The following SLU7 variants were observed in gnomAD, a reference collection of about 807,000 sequenced individuals.
The protein encoded by SLU7 is spliceosome associated SLU7, also known as pre-mRNA-splicing factor SLU7.
A neutral mutation model predicts 87.0 loss-of-function variants in SLU7; 60 were observed. The ratio of observed to expected loss-of-function variants is 0.69; its 90% CI spans 0.56 to 0.86. The LOEUF is 0.86. Among genes scored for constraint, SLU7 ranks in the 40% least tolerant of loss-of-function variants. The probability of loss-of-function intolerance (pLI) is 0.00; values close to 1 mark genes in which losing one functional copy is unlikely to be tolerated. For synonymous variants in SLU7, 197 were observed against 222.0 expected (o/e 0.89, Z 1.00); for missense variants, 507 against 686.6 (o/e 0.74, Z 2.92).
Position 160,403,184 on chromosome 5 carries a change from G to T in SLU7, c.*101C>A. 2.3e-6 allele frequency: 2 copies of T among 867,602 alleles called. No homozygotes were observed. Among genetic ancestry groups the T allele is most frequent in the Non-Finnish European group, 3.4e-6 (2 of 586,886 alleles). The allele number at this position is 867,602 out of a possible 1,614,324, so 53.7% of individuals were successfully genotyped here. A position where few individuals can be genotyped will look rare whatever the true frequency, so the allele number is the denominator to read the frequency against. On this transcript the variant is annotated 3_prime_UTR_variant, in exon 16 of 16. Transcript: ENST00000297151. ...CTGAAATATTTATTAAAGCCAGGCA[G>T]CAAGAAGAATAAACAAGGATTTTTC... is the stretch of plus-strand genomic sequence containing the variant.
intron 13 of SLU7, 27 bp downstream of exon 13, chr5:160,405,004 C>G (rs1282099832): frequency 3.8e-6 from 6 of 1,579,384 alleles, no homozygotes; most frequent in Non-Finnish European, 4.4e-6. Context: ...TGTTTTATAC[C>G]TTTAAGAACC....
chr5:160,406,215 C>A, intron 12 of SLU7: 1 of 295,884 alleles, frequency 3.4e-6, no homozygotes, highest in Non-Finnish European at 6.2e-6. Flanking sequence ...TGTGCATATG[C>A]ACACATACAA....
chr5:160,402,663 TACAGAG>T lies in SLU7; in HGVS notation c.*616_*621del, dbSNP rs1039893544. 3 of 152,076 alleles carry T rather than the reference TACAGAG, an allele frequency of 2.0e-5. No individual in the cohort carries two copies. The highest frequency in any genetic ancestry group is 6.6e-5 in the Admixed American group (1 of 15,256). The allele number at this position is 152,076 out of a possible 1,614,324, so 9.4% of individuals were successfully genotyped here. A position where few individuals can be genotyped will look rare whatever the true frequency, so the allele number is the denominator to read the frequency against. ...GCAATAAAGTTTGAAGCTTAATAAA[TACAGAG>T]AAAGAGACATTCTTAATAGGTAGAG... On this transcript the variant is annotated 3_prime_UTR_variant, in exon 16 of 16. Coordinates refer to ENST00000297151, the MANE Select transcript of SLU7 (RefSeq NM_006425.5).
chr5:160,418,219 G>C (rs1438172052), intron 1 of SLU7, among the ~76,000 whole-genome samples: 1 of 152,164 alleles, frequency 6.6e-6, no homozygotes, highest in Non-Finnish European at 1.5e-5. Context: ...CATTTCTCGA[G>C]CCTACCGTGT....
At chr5:160,405,459 T>C (rs547357589) in intron 12 of SLU7, among the ~76,000 whole-genome samples, 1 of 152,362 alleles carries the variant, frequency 6.6e-6, no homozygotes, top group South Asian at 2.1e-4. Context: ...GAACAGTGGA[T>C]GCCCCATTAG....
chr5:160,414,624 A>G (rs180843191), intron 2 of SLU7, 152 bp from the exon 3 acceptor site: 54 of 417,460 alleles, frequency 1.3e-4, no homozygotes, highest in Admixed American at 8.9e-4. Flanking sequence ...ATACTATAAT[A>G]AAGAATAATT....
chr5:160,414,227 T>C, intron 3 of SLU7, 92 bp downstream of exon 3: 2 of 1,015,822 alleles, frequency 2.0e-6, no homozygotes, highest in Non-Finnish European at 2.8e-6. Flanking sequence ...TTATTATCTG[T>C]TTCTACTTTA....
At chr5:160,413,694 G>C (rs1017802181) in intron 4 of SLU7, 74 bp from the exon 5 acceptor site, 10 of 1,307,784 alleles carry the variant, frequency 7.6e-6, no homozygotes, top group Non-Finnish European at 1.1e-5. Context: ...AACTTTTACA[G>C]AGTGGGCACT....
Position 160,404,497 on chromosome 5 carries a change from A to G in SLU7, c.1524T>C (p.His508=). 1 of 1,612,128 alleles carries G rather than the reference A, an allele frequency of 6.2e-7. No homozygotes were observed. Residue 508 remains histidine (H), a synonymous_variant, in exon 15 of 16, where the codon CAT becomes CAC. Coordinates refer to ENST00000297151, the MANE Select transcript of SLU7 (RefSeq NM_006425.5). The part of the protein sequence containing the change: ...KKKKKKKKKK[H]RKSSSDSDDE... Reference sequence around the variant, plus strand: ...CATCACTATCTGAACTGCTCTTTCGATGCTTCTTCTTTTTCTTTTTCTTCT... The same window carrying G: ...CATCACTATCTGAACTGCTCTTTCGGTGCTTCTTCTTTTTCTTTTTCTTCT...
chr5:160,408,322 G>A lies in SLU7; in HGVS notation c.819+7C>T. On this transcript the variant is annotated splice_region_variant and intron_variant, in intron 8 of 15. Coordinates refer to ENST00000297151, the MANE Select transcript of SLU7 (RefSeq NM_006425.5). Reference sequence around the variant, plus strand: ...TCAAATATGTATGTTAAGCTGACAAGACTTACTTTTGCAATATCTTCTCGA... The same window carrying A: ...TCAAATATGTATGTTAAGCTGACAAAACTTACTTTTGCAATATCTTCTCGA... 6.2e-7 allele frequency: 1 copy of A among 1,602,314 alleles called. No homozygotes were observed.
rs1234686128 is a variant in SLU7, at chr5:160,407,983, T to C, written c.905A>G (p.Lys302Arg). The C allele has an allele frequency of 6.2e-7, 1 of 1,611,042 alleles. No homozygotes were observed. The highest frequency in any genetic ancestry group is 8.5e-7 in the Non-Finnish European group (1 of 1,177,342). ...MRENPYANAGKNPDEVSYAGD... is the reference protein window; with the variant it reads ...MRENPYANAGRNPDEVSYAGD... ...ACTTGATACTTACTCATCTGGATTC[T>C]TTCCTGCATTGGCATAAGGATTCTC... The change falls in exon 9 of 16, where the codon AAG (lysine) becomes AGG (arginine). Residue 302 changes from lysine to arginine, a missense_variant. Physicochemically the swap from Lys to Arg is conservative, Grantham distance 26. Coordinates refer to ENST00000297151, the MANE Select transcript of SLU7 (RefSeq NM_006425.5). This position sits in a 1 kb window ranked among gnomAD's most constrained non-coding sequence, Gnocchi z 4.2.
chr5:160,417,867 A>T (rs550777283), intron 1 of SLU7, among the ~76,000 whole-genome samples: 1 of 151,372 alleles, frequency 6.6e-6, no homozygotes, highest in Non-Finnish European at 1.5e-5. Context: ...TTTTTAACAC[A>T]CCTACACGGT....
intron 1 of SLU7, chr5:160,418,534 A>C (rs2113183949): frequency 6.6e-6 from 1 of 152,336 alleles, no homozygotes; most frequent in East Asian, 1.9e-4. Flanking sequence ...CTCCAACTAA[A>C]AACAGTAATA....
At chr5:160,418,053 C>A (rs1185617543) in intron 1 of SLU7, among the ~76,000 whole-genome samples, 1 of 152,182 alleles carries the variant, frequency 6.6e-6, no homozygotes, top group Non-Finnish European at 1.5e-5. Context: ...GTGCTCAATG[C>A]CTGGGGGTCT....
At chr5:160,415,401 T>G in intron 1 of SLU7, 91 bp from the exon 2 acceptor site, 1 of 961,874 alleles carries the variant, frequency 1.0e-6, no homozygotes, top group Non-Finnish European at 1.5e-6. Flanking sequence ...ATATACTGTT[T>G]CATATGTTTT....
chr5:160,408,190 G>T, intron 8 of SLU7, 122 bp from the exon 9 acceptor site: 1 of 1,174,568 alleles, frequency 8.5e-7, no homozygotes, highest in Non-Finnish European at 1.2e-6. Flanking sequence ...CTGGGGTTCA[G>T]GTGAAGAGAA....
Position 160,412,520 on chromosome 5 carries a change from C to CT in SLU7, c.571-2dup, listed in dbSNP as rs748121189. 9 of 615,716 alleles carry CT rather than the reference C, an allele frequency of 1.5e-5. No homozygotes were observed. Among genetic ancestry groups the CT allele is most frequent in the Admixed American group, 7.5e-5 (1 of 13,318 alleles). 38.1% of individuals were successfully genotyped at this position (615,716 alleles called of 1,614,324 possible). On this transcript the variant is annotated splice_acceptor_variant, in intron 5 of 15. Coordinates refer to ENST00000297151, the MANE Select transcript of SLU7 (RefSeq NM_006425.5). LOFTEE classifies it high-confidence loss of function. Reference sequence around the variant, plus strand: ...TCTGGGCTTTCAATGTTCGTTTTGCCTTTAAAAAAAAAAAAAAGAAAGAAA... The same window carrying CT: ...TCTGGGCTTTCAATGTTCGTTTTGCCTTTTAAAAAAAAAAAAAAGAAAGAAA...
chr5:160,405,669 C>A (rs1764978598), intron 12 of SLU7, among the ~76,000 whole-genome samples: 1 of 152,202 alleles, frequency 6.6e-6, no homozygotes, highest in Non-Finnish European at 1.5e-5. Context: ...TACTACATTA[C>A]TTATTAAATA....
intron 5 of SLU7, among the ~76,000 whole-genome samples, chr5:160,413,196 C>T (rs544858097): frequency 6.6e-6 from 1 of 152,236 alleles, no homozygotes; most frequent in Admixed American, 6.5e-5. Flanking sequence ...CTTCATGCTT[C>T]CAATATCTTT....
Sources: allele counts gnomAD v4.1 joint callset (sites outside exome capture counted in the v4.1 genomes callset), GRCh38; gene constraint gnomAD v4.1.1; non-coding constraint Gnocchi (gnomAD v3.1); transcripts MANE v1.5; gene names NCBI Gene and HGNC (gene_info 2026-07-23, HGNC 2026-07-21).